MYO1B: variants seen among roughly 807,000 people sequenced by gnomAD.
MYO1B encodes the protein myosin IB, also known as unconventional myosin-Ib.
A neutral mutation model predicts 159.7 loss-of-function variants in MYO1B; 72 were observed. The observed-to-expected ratio is 0.45, with a 90% confidence interval of 0.37 to 0.55. The LOEUF (loss-of-function observed/expected upper bound fraction) is 0.55. Ranked by LOEUF, MYO1B falls within the 20% of genes least tolerant of loss-of-function variation. The pLI, the probability that MYO1B is intolerant of heterozygous loss-of-function variation, is 0.00. For synonymous variants in MYO1B, 468 were observed against 473.8 expected (o/e 0.99, Z 0.16); for missense variants, 1,062 against 1,364.8 (o/e 0.78, Z 3.50).
intron 1 of MYO1B, among the ~76,000 whole-genome samples, chr2:191,256,446 G>C (rs1015927478): frequency 5.3e-5 from 8 of 151,558 alleles, no homozygotes; most frequent in Admixed American, 1.3e-4. Flanking sequence ...CTACTATTCA[G>C]CCTTTCCTGC....
chr2:191,329,120 T>A (rs143589513), intron 3 of MYO1B, among the ~76,000 whole-genome samples: 1 of 152,308 alleles, frequency 6.6e-6, no homozygotes, highest in African/African-American at 2.4e-5. Context: ...ATTGTCTTAT[T>A]GTCAGAATCA....
At chr2:191,395,625 C>T (rs1696023154) in intron 20 of MYO1B, among the ~76,000 whole-genome samples, 1 of 152,252 alleles carries the variant, frequency 6.6e-6, no homozygotes, top group African/African-American at 2.4e-5. Flanking sequence ...CCAGCAGCCT[C>T]CACTCCAGGG....
At chr2:191,336,777 T>C (rs1691876222) in intron 4 of MYO1B, among the ~76,000 whole-genome samples, 1 of 152,160 alleles carries the variant, frequency 6.6e-6, no homozygotes, top group Non-Finnish European at 1.5e-5. Flanking sequence ...CCTCATTGAT[T>C]TAGGCATTCA....
intron 3 of MYO1B, among the ~76,000 whole-genome samples, chr2:191,307,383 C>T (rs1689712538): frequency 1.3e-5 from 2 of 152,132 alleles, no homozygotes; most frequent in South Asian, 2.1e-4. Context: ...GCAGCTTCCT[C>T]GCCATCTTGG....
intron 20 of MYO1B, among the ~76,000 whole-genome samples, chr2:191,394,456 A>G (rs1242758215): frequency 6.6e-6 from 1 of 152,262 alleles, no homozygotes; most frequent in Non-Finnish European, 1.5e-5. Flanking sequence ...TGCTGGATTC[A>G]TCTGTCTTGA....
intron 1 of MYO1B, among the ~76,000 whole-genome samples, chr2:191,262,806 T>G (rs1316596736): frequency 1.3e-5 from 2 of 152,192 alleles, no homozygotes; most frequent in Non-Finnish European, 2.9e-5. Flanking sequence ...TAAACTTCTT[T>G]TCTGCTTAAT....
intron 1 of MYO1B, among the ~76,000 whole-genome samples, chr2:191,266,885 C>A (rs560496506): frequency 6.6e-6 from 1 of 152,214 alleles, no homozygotes; most frequent in African/African-American, 2.4e-5. Flanking sequence ...TCACTTTACA[C>A]AGTTGGGAAA....
At chr2:191,285,081 G>A (rs1259477190) in intron 2 of MYO1B, among the ~76,000 whole-genome samples, 1 of 152,120 alleles carries the variant, frequency 6.6e-6, no homozygotes, top group Non-Finnish European at 1.5e-5. Context: ...ATTAACCACA[G>A]AAATATTATT....
intron 15 of MYO1B, among the ~76,000 whole-genome samples, chr2:191,383,845 C>A (rs540337020): frequency 2.0e-5 from 3 of 152,180 alleles, no homozygotes; most frequent in Non-Finnish European, 2.9e-5. Context: ...ATATCCATTT[C>A]ATTCCCAAAA....
intron 7 of MYO1B, among the ~76,000 whole-genome samples, 171 bp from the exon 8 acceptor site, chr2:191,360,460 T>C (rs917503919): frequency 7.9e-5 from 12 of 152,202 alleles, no homozygotes; most frequent in African/African-American, 2.7e-4. Flanking sequence ...ATTTGGTGAT[T>C]TTCATTAGAG....
At chr2:191,328,089 G>A (rs570031844) in intron 3 of MYO1B, among the ~76,000 whole-genome samples, 1 of 152,158 alleles carries the variant, frequency 6.6e-6, no homozygotes, top group Non-Finnish European at 1.5e-5. Flanking sequence ...CTGAGAATGG[G>A]ATCATGGGCT....
chr2:191,254,122 G>T (rs779463310), intron 1 of MYO1B, among the ~76,000 whole-genome samples: 2 of 152,214 alleles, frequency 1.3e-5, no homozygotes, highest in Non-Finnish European at 2.9e-5. Flanking sequence ...ACCTGTGTTT[G>T]CTGTGGGAGC....
intron 26 of MYO1B, 101 bp downstream of exon 26, chr2:191,409,279 T>C: frequency 7.7e-7 from 1 of 1,293,816 alleles, no homozygotes; most frequent in Non-Finnish European, 1.1e-6. Flanking sequence ...TTCCTTTGCC[T>C]CAAAGAGGAT....
At chr2:191,389,096 G>A (rs1695583178) in intron 17 of MYO1B, among the ~76,000 whole-genome samples, 1 of 152,048 alleles carries the variant, frequency 6.6e-6, no homozygotes, top group Admixed American at 6.5e-5. Context: ...TTGATAATCT[G>A]TTGAATGTAT....
Position 191,414,231 on chromosome 2 carries a change from A to T in MYO1B, c.3006+51A>T, listed in dbSNP as rs1272153793. 6.4e-6 allele frequency: 10 copies of T among 1,558,418 alleles called. No individual in the cohort carries two copies. The African/African-American group carries it at 1.4e-4, about 21-fold the overall frequency. ...ATAAGAAGTACCTATTAGTTGGGAT[A>T]GTCACCCTGTTTTCTGAATGTAAAA... is the stretch of plus-strand genomic sequence containing the variant. On this transcript the variant is annotated intron_variant, in intron 28 of 30. Transcript: ENST00000392318.
intron 9 of MYO1B, 98 bp from the exon 10 acceptor site, chr2:191,363,629 GT>G: frequency 6.3e-6 from 9 of 1,433,342 alleles, no homozygotes; most frequent in Non-Finnish European, 7.4e-6. Flanking sequence ...TCTTTTATGG[GT>G]TTTTTTCCCC....
chr2:191,418,261 A>T (rs552418062), intron 30 of MYO1B, among the ~76,000 whole-genome samples: 1 of 152,288 alleles, frequency 6.6e-6, no homozygotes, highest in South Asian at 2.1e-4. Flanking sequence ...AGTCATAGGC[A>T]GGGGCGCCTG....
rs72009018 is a variant in MYO1B, at chr2:191,277,127, CTGTT to C, written c.135+100_135+103del. On this transcript the variant is annotated intron_variant, in intron 2 of 30. Coordinates refer to ENST00000392318, the MANE Select transcript of MYO1B (RefSeq NM_001130158.3). ...TCAGACTCTTCTTTCTTTTTTCTCT[CTGTT>C]TGAGTCCAGCAGTATTTGCTTTATA... 11,052 of 1,433,804 alleles carry C rather than the reference CTGTT, an allele frequency of 7.7e-3. 703 individuals are homozygous for C. The African/African-American group carries it at 0.14, about 18-fold the overall frequency. The allele number at this position is 1,433,804 out of a possible 1,614,324, so 88.8% of individuals were successfully genotyped here. A position where few individuals can be genotyped will look rare whatever the true frequency, so the allele number is the denominator to read the frequency against.
At chr2:191,351,578 C>G (rs1297836203) in intron 7 of MYO1B, among the ~76,000 whole-genome samples, 1 of 152,134 alleles carries the variant, frequency 6.6e-6, no homozygotes, top group East Asian at 1.9e-4. Flanking sequence ...TTCCAGCATT[C>G]TGTAGTTCTT....
Sources: gnomAD v4.1 joint callset for allele counts (sites outside exome capture counted in the v4.1 genomes callset) on GRCh38, gnomAD v4.1.1 for gene constraint, MANE v1.5 for transcripts, NCBI Gene and HGNC (gene_info 2026-07-23, HGNC 2026-07-21) for gene names.